Variants in FAM20A observed in about 807,000 individuals in gnomAD.
FAM20A encodes the protein pseudokinase FAM20A.
In FAM20A, 42 loss-of-function variants were observed where a neutral mutation model predicts 52.0. The ratio of observed to expected loss-of-function variants is 0.81; its 90% CI spans 0.63 to 1.04. The LOEUF (loss-of-function observed/expected upper bound fraction) is 1.04. Among genes scored for constraint, FAM20A ranks in the 50% least tolerant of loss-of-function variants. The pLI, the probability that FAM20A is intolerant of heterozygous loss-of-function variation, is 0.00. For synonymous variants in FAM20A, 304 were observed against 298.9 expected (o/e 1.02, Z -0.18); for missense variants, 742 against 712.7 (o/e 1.04, Z -0.47).
intron 4 of FAM20A, 26 bp from the exon 5 acceptor site, chr17:68,543,747 C>T (rs769715119): frequency 6.3e-6 from 10 of 1,593,414 alleles, no homozygotes; most frequent in South Asian, 1.1e-5. Flanking sequence ...GAATCACGCC[C>T]TGGACTCAGA....
At chr17:68,540,415 C>A in intron 8 of FAM20A, 1 of 457,624 alleles carries the variant, frequency 2.2e-6, no homozygotes, top group South Asian at 1.6e-5. Flanking sequence ...TGTATGACGG[C>A]CACCTTCATA....
intron 1 of FAM20A, among the ~76,000 whole-genome samples, chr17:68,581,409 T>TCTTTCTTTCTTTCTTTC: frequency 6.8e-6 from 1 of 147,696 alleles, no homozygotes; most frequent in Admixed American, 6.8e-5. Flanking sequence ...TTTCTTTCTT[T>TCTTTCTTTCTTTCTTTC]CTTTCTTTTT....
At chr17:68,545,212 G>T (rs550249660) in intron 4 of FAM20A, among the ~76,000 whole-genome samples, 1 of 152,320 alleles carries the variant, frequency 6.6e-6, no homozygotes, top group Admixed American at 6.5e-5. Flanking sequence ...CTGTGTTATG[G>T]TATGAAAATA....
chr17:68,587,668 A>T (rs1238852890), intron 1 of FAM20A, among the ~76,000 whole-genome samples: 4 of 152,256 alleles, frequency 2.6e-5, no homozygotes, highest in Non-Finnish European at 5.9e-5. Flanking sequence ...ATAATAAAAC[A>T]TCAATTGGCT....
In FAM20A at chr17:68,542,819, A is replaced by C. The variant is rs2086368562; in HGVS notation, c.813-10T>G. On this transcript the variant is annotated splice_polypyrimidine_tract_variant and intron_variant, in intron 5 of 10. Transcript: ENST00000592554. The stretch of plus-strand genomic sequence containing the variant: ...TCGGAAGTCCAGAATCCTGCAAGAG[A>C]GGAAGCTCTGTTCCATCTGAGGGAT... 6.3e-7 allele frequency: 1 copy of C among 1,599,982 alleles called. No homozygotes were observed. Among genetic ancestry groups the C allele is most frequent in the Non-Finnish European group, 8.6e-7 (1 of 1,167,340 alleles).
intron 1 of FAM20A, among the ~76,000 whole-genome samples, chr17:68,563,792 G>A (rs1273070631): frequency 6.6e-6 from 1 of 152,130 alleles, no homozygotes; most frequent in Non-Finnish European, 1.5e-5. Context: ...TTCAATATCA[G>A]TCTTCACCTA....
Position 68,537,451 on chromosome 17 carries a change from T to C in FAM20A, c.*26A>G, listed in dbSNP as rs144712764. The C allele has an allele frequency of 8.6e-5, 139 of 1,613,946 alleles. 1 individual carries two copies. The African/African-American group carries it at 1.7e-3, about 20-fold the overall frequency. ...TCGACTGCTCTGGCTCCAGGCGTAT[T>C]TTCTGAAACTGGACTCTGCCAGCCC... On this transcript the variant is annotated 3_prime_UTR_variant, in exon 11 of 11. Coordinates refer to ENST00000592554, the MANE Select transcript of FAM20A (RefSeq NM_017565.4). This position sits in a 1 kb window ranked among gnomAD's most constrained non-coding sequence, Gnocchi z 4.2.
At chr17:68,541,050 G>T in intron 7 of FAM20A, 92 bp from the exon 8 acceptor site, 3 of 1,536,804 alleles carry the variant, frequency 2.0e-6, no homozygotes, top group Non-Finnish European at 2.6e-6. Flanking sequence ...CCCAATCCCT[G>T]CCTCCCTGAT....
chr17:68,581,390 C>CTT (rs1555832081), intron 1 of FAM20A, among the ~76,000 whole-genome samples: 3 of 145,200 alleles, frequency 2.1e-5, no homozygotes, highest in Admixed American at 1.4e-4. Flanking sequence ...TTCTTTCTTT[C>CTT]TTTCTTTCTT....
rs3214285 is a variant in FAM20A, at chr17:68,540,071, CAG to C, written c.1220-107_1220-106del. 0.22 allele frequency: 209,407 copies of C among 958,812 alleles called. 24,391 individuals carry two copies. Among genetic ancestry groups the C allele is most frequent in the South Asian group, 0.27 (19,557 of 73,436 alleles). 59.4% of individuals were successfully genotyped at this position (958,812 alleles called of 1,614,324 possible). A position where few individuals can be genotyped will look rare whatever the true frequency, so the allele number is the denominator to read the frequency against. On this transcript the variant is annotated intron_variant, in intron 8 of 10. Transcript: ENST00000592554. ...CGGAGGCCTGTCATCACTTGAGAGA[CAG>C]GGGTGTGAACGAAGCTGGGCCTCAC...
chr17:68,552,733 C>G (rs888368784), intron 3 of FAM20A, among the ~76,000 whole-genome samples: 3 of 90,058 alleles, frequency 3.3e-5, no homozygotes, highest in African/African-American at 1.2e-4. Context: ...GGACTGCGGA[C>G]TGCAGTGGCG....
intron 3 of FAM20A, among the ~76,000 whole-genome samples, chr17:68,554,132 A>G (rs1227264917): frequency 6.6e-6 from 1 of 151,104 alleles, no homozygotes; most frequent in Non-Finnish European, 1.5e-5. Context: ...ACACACATAT[A>G]TATATATATA....
chr17:68,598,435 A>C (rs115788423), intron 1 of FAM20A, among the ~76,000 whole-genome samples: 2 of 152,208 alleles, frequency 1.3e-5, no homozygotes, highest in Non-Finnish European at 2.9e-5. Context: ...TTTAACATTT[A>C]TAAGTGCAGC....
intron 1 of FAM20A, among the ~76,000 whole-genome samples, chr17:68,583,712 C>T (rs1041353707): frequency 4.0e-5 from 6 of 151,748 alleles, no homozygotes; most frequent in African/African-American, 7.3e-5. Flanking sequence ...GTCAGGAGAT[C>T]GAGACACAGT....
At chr17:68,559,865 T>C (rs1180424023) in intron 1 of FAM20A, among the ~76,000 whole-genome samples, 1 of 152,214 alleles carries the variant, frequency 6.6e-6, no homozygotes, top group Non-Finnish European at 1.5e-5. Flanking sequence ...GTTCTGGTGA[T>C]TTTTCCAATT....
chr17:68,561,532 A>G (rs1406504111), intron 1 of FAM20A, among the ~76,000 whole-genome samples: 1 of 150,062 alleles, frequency 6.7e-6, no homozygotes, highest in African/African-American at 2.4e-5. Context: ...AATGCTGTTG[A>G]ACTTTTTTAA....
At chr17:68,568,972 G>A (rs910276377) in intron 1 of FAM20A, among the ~76,000 whole-genome samples, 3 of 151,884 alleles carry the variant, frequency 2.0e-5, no homozygotes, top group Non-Finnish European at 4.4e-5. Flanking sequence ...ATCTTTCTAA[G>A]GGTGAGGTAA....
At chr17:68,567,109 C>A (rs912588217) in intron 1 of FAM20A, among the ~76,000 whole-genome samples, 1 of 151,856 alleles carries the variant, frequency 6.6e-6, no homozygotes, top group African/African-American at 2.4e-5. Context: ...TTTCTTCCAG[C>A]TCTCTCAGCA....
intron 1 of FAM20A, among the ~76,000 whole-genome samples, chr17:68,568,198 A>G (rs891441431): frequency 2.0e-5 from 3 of 151,936 alleles, no homozygotes; most frequent in African/African-American, 7.3e-5. Context: ...GGCTGGGCGC[A>G]GTGGCTCACG....
Sources: gnomAD v4.1 joint callset for allele counts (sites outside exome capture counted in the v4.1 genomes callset) on GRCh38, gnomAD v4.1.1 for gene constraint, Gnocchi (gnomAD v3.1) non-coding constraint, MANE v1.5 for transcripts, NCBI Gene and HGNC (gene_info 2026-07-23, HGNC 2026-07-21) for gene names.